STK3: variants seen among roughly 807,000 people sequenced by gnomAD.
STK3 encodes serine/threonine-protein kinase 3.
STK3 carries 41 observed loss-of-function variants against 58.0 expected under a neutral mutation model. That is an observed-to-expected ratio of 0.71 (90% CI 0.55 to 0.92). The LOEUF (loss-of-function observed/expected upper bound fraction) is 0.92, where lower values mean the gene tolerates loss of function less well. STK3 is among the 40% of genes least tolerant of loss of function. The pLI is 0.00. For missense variants in STK3, 479 were observed against 602.7 expected, an observed-to-expected ratio of 0.79 and a Z score of 2.15; for synonymous variants, 170 against 191.0, an observed-to-expected ratio of 0.89 and a Z score of 0.91.
chr8:98,639,103 A>G (rs1819828419), intron 6 of STK3, among the ~76,000 whole-genome samples: 1 of 151,304 alleles, frequency 6.6e-6, no homozygotes. Context: ...TACAATAAGG[A>G]GATACACTTT....
chr8:98,786,772 A>G (rs1832482529), intron 1 of STK3, among the ~76,000 whole-genome samples: 1 of 152,212 alleles, frequency 6.6e-6, no homozygotes, highest in Non-Finnish European at 1.5e-5. Flanking sequence ...GTAGACATCC[A>G]GATACAACAA....
At chr8:98,497,839 C>A (rs925457605) in intron 10 of STK3, among the ~76,000 whole-genome samples, 3 of 152,128 alleles carry the variant, frequency 2.0e-5, no homozygotes, top group Admixed American at 2.0e-4. Context: ...TCATACACTG[C>A]TGACAGGAAT....
chr8:98,787,096 G>T (rs780032726), intron 1 of STK3, among the ~76,000 whole-genome samples: 2 of 146,268 alleles, frequency 1.4e-5, no homozygotes, highest in African/African-American at 2.5e-5. Flanking sequence ...TTGAACCCAG[G>T]AGCTGGAGGT....
chr8:98,788,689 T>C (rs1832627538), intron 1 of STK3, among the ~76,000 whole-genome samples: 1 of 152,028 alleles, frequency 6.6e-6, no homozygotes, highest in African/African-American at 2.4e-5. Context: ...AAGAGAGTCA[T>C]AAAAGGCCTT....
At position 98,579,723 on chromosome 8, in the gene STK3, T is replaced by C; in HGVS notation, c.889A>G (p.Ile297Val). 1 of 1,610,292 alleles carries C rather than the reference T, an allele frequency of 6.2e-7. No homozygotes were observed. The highest frequency in any genetic ancestry group is 8.5e-7 in the Non-Finnish European group (1 of 1,178,876). The change falls in exon 8 of 11, where the codon ATC becomes GTC. Residue 297 changes from isoleucine to valine, a missense_variant. Ile to Val is a conservative substitution (Grantham distance 29, BLOSUM62 3). This residue lies in a region of STK3 where 309 missense variants were observed against 355.7 expected (regional missense o/e 0.87). Coordinates refer to ENST00000419617, the MANE Select transcript of STK3 (RefSeq NM_006281.4). ...LRDLITEAME[I>V]KAKRHEEQQR... Reference sequence around the variant, plus strand: ...TGTTCCTCATGTCTTTTAGCTTTGATCTCCATAGCTTCTGTGATCAGGTCT... The same window carrying C: ...TGTTCCTCATGTCTTTTAGCTTTGACCTCCATAGCTTCTGTGATCAGGTCT...
intron 4 of STK3, among the ~76,000 whole-genome samples, chr8:98,718,223 C>T (rs182162192): frequency 1.5e-4 from 23 of 152,154 alleles, no homozygotes; most frequent in Admixed American, 7.9e-4. Flanking sequence ...TTATGTGTAT[C>T]TTGGCACAAT....
At chr8:98,895,882 T>C (rs1178465612) in intron 1 of STK3, among the ~76,000 whole-genome samples, 5 of 152,238 alleles carry the variant, frequency 3.3e-5, no homozygotes, top group Non-Finnish European at 5.9e-5. Context: ...TTTTTGTTTA[T>C]TTGTTTAGGG....
At chr8:98,667,384 A>G (rs1051350073) in intron 6 of STK3, among the ~76,000 whole-genome samples, 8 of 152,140 alleles carry the variant, frequency 5.3e-5, no homozygotes, top group Admixed American at 2.0e-4. Flanking sequence ...GGTGTCATCA[A>G]ATTCAAATTA....
intron 6 of STK3, among the ~76,000 whole-genome samples, chr8:98,697,863 T>C (rs1825128580): frequency 6.6e-6 from 1 of 152,220 alleles, no homozygotes; most frequent in Non-Finnish European, 1.5e-5. Flanking sequence ...GAGAGTTCTG[T>C]AGATGTCTAT....
intron 1 of STK3, among the ~76,000 whole-genome samples, chr8:98,936,894 G>A (rs778235452): frequency 1.3e-3 from 192 of 152,230 alleles, no homozygotes; most frequent in South Asian, 1.2e-3. Flanking sequence ...GATGGTATGG[G>A]GGAAAGGACA....
intron 6 of STK3, among the ~76,000 whole-genome samples, chr8:98,657,092 A>G (rs1222261311): frequency 2.0e-5 from 3 of 152,154 alleles, no homozygotes; most frequent in African/African-American, 7.2e-5. Context: ...ATTAAATATA[A>G]AATGGTTAGA....
chr8:98,850,861 G>A (rs1836440624), intron 3 of STK3, among the ~76,000 whole-genome samples: 1 of 152,118 alleles, frequency 6.6e-6, no homozygotes, highest in Admixed American at 6.6e-5. Flanking sequence ...TTTTAGAAAG[G>A]CAGCTCCAGG....
intron 10 of STK3, among the ~76,000 whole-genome samples, chr8:98,525,584 T>C (rs1586777758): frequency 6.6e-6 from 1 of 152,098 alleles, no homozygotes; most frequent in East Asian, 1.9e-4. Flanking sequence ...TAAAATGAAA[T>C]CTTATTAGGA....
intron 3 of STK3, among the ~76,000 whole-genome samples, chr8:98,417,250 C>T (rs940428548): frequency 6.6e-6 from 1 of 152,174 alleles, no homozygotes; most frequent in East Asian, 1.9e-4. Flanking sequence ...TGCGGTGGCT[C>T]ATGCCTGTAA....
At chr8:98,417,907 T>TTTAA (rs1188052426) in intron 3 of STK3, among the ~76,000 whole-genome samples, 3 of 152,144 alleles carry the variant, frequency 2.0e-5, no homozygotes, top group Non-Finnish European at 2.9e-5. Flanking sequence ...TTTAATTTAA[T>TTTAA]TTAATTAATT....
intron 10 of STK3, among the ~76,000 whole-genome samples, chr8:98,469,061 A>G (rs773211595): frequency 2.0e-4 from 30 of 151,898 alleles, no homozygotes; most frequent in Non-Finnish European, 2.6e-4. Context: ...GTGAGCTAGG[A>G]TCGTGCCACT....
intron 1 of STK3, among the ~76,000 whole-genome samples, chr8:98,825,151 G>A (rs1025367884): frequency 6.6e-6 from 1 of 152,188 alleles, no homozygotes; most frequent in Non-Finnish European, 1.5e-5. Flanking sequence ...TTGAACTTGA[G>A]GGGGAAGGGG....
At chr8:98,772,634 TG>T (rs1252376174) in intron 2 of STK3, among the ~76,000 whole-genome samples, 1 of 152,048 alleles carries the variant, frequency 6.6e-6, no homozygotes, top group East Asian at 1.9e-4. Flanking sequence ...GGGAGAAGGA[TG>T]CAGTGAGCCA....
chr8:98,886,128 T>A (rs1324580836), intron 1 of STK3, among the ~76,000 whole-genome samples: 1 of 152,214 alleles, frequency 6.6e-6, no homozygotes, highest in Non-Finnish European at 1.5e-5. Flanking sequence ...TGTATCTTGA[T>A]TGTGGTGGTG....
Sources: gnomAD v4.1 joint callset for allele counts (sites outside exome capture counted in the v4.1 genomes callset) on GRCh38, gnomAD v4.1.1 for gene constraint, gnomAD v4.1.1 regional missense constraint, MANE v1.5 for transcripts, NCBI Gene and HGNC (gene_info 2026-07-23, HGNC 2026-07-21) for gene names.